Variants in TG observed in about 807,000 individuals in gnomAD.
TG encodes thyroid hormones.
A neutral mutation model predicts 324.7 loss-of-function variants in TG; 270 were observed. The observed-to-expected ratio is 0.83, with a 90% CI of 0.75 to 0.92. The LOEUF (loss-of-function observed/expected upper bound fraction) is 0.92, where lower values mean the gene tolerates loss of function less well. Among genes scored for constraint, TG ranks in the 40% least tolerant of loss-of-function variants. The pLI is 0.00. For missense variants in TG, 3,591 were observed against 3,456.4 expected (o/e 1.04, Z -0.98); for synonymous variants, 1,401 against 1,327.0 (o/e 1.06, Z -1.21).
At chr8:132,911,652 G>A (rs952184355) in intron 19 of TG, 119 bp downstream of exon 19, 2 of 823,620 alleles carry the variant, frequency 2.4e-6, no homozygotes, top group African/African-American at 1.7e-5. Flanking sequence ...GAAGACTATG[G>A]GGAGAGCTAA....
chr8:132,955,622 A>G (rs1319570595), intron 27 of TG, among the ~76,000 whole-genome samples: 1 of 152,242 alleles, frequency 6.6e-6, no homozygotes, highest in Non-Finnish European at 1.5e-5. Context: ...TCCAGCGTTC[A>G]GTAGGCTAAT....
intron 41 of TG, among the ~76,000 whole-genome samples, chr8:133,084,805 A>G (rs1846278919): frequency 6.6e-6 from 1 of 152,196 alleles, no homozygotes; most frequent in South Asian, 2.1e-4. Flanking sequence ...GGCAAGGGGG[A>G]CAGTTCTACA....
chr8:133,048,093 G>C (rs1351559982), intron 41 of TG, among the ~76,000 whole-genome samples: 2 of 152,184 alleles, frequency 1.3e-5, no homozygotes, highest in African/African-American at 4.8e-5. Context: ...GAATACTGAG[G>C]GTTCCAGTGA....
At chr8:133,127,312 G>A (rs911141237) in intron 45 of TG, among the ~76,000 whole-genome samples, 6 of 152,164 alleles carry the variant, frequency 3.9e-5, no homozygotes, top group African/African-American at 1.4e-4. Flanking sequence ...GAGAACTTGT[G>A]CAATGGATCA....
intron 26 of TG, among the ~76,000 whole-genome samples, chr8:132,943,898 C>T (rs745407289): frequency 2.0e-5 from 3 of 152,156 alleles, no homozygotes; most frequent in Admixed American, 1.3e-4. Context: ...TTAAACTGTG[C>T]CTTCTCTTCT....
intron 26 of TG, among the ~76,000 whole-genome samples, chr8:132,947,428 A>C (rs1825479008): frequency 6.6e-6 from 1 of 152,154 alleles, no homozygotes; most frequent in South Asian, 2.1e-4. Flanking sequence ...TCAGAGATTC[A>C]CTGCTGCTGG....
chr8:132,912,887 T>C (rs1819734452), intron 19 of TG, among the ~76,000 whole-genome samples, 160 bp from the exon 20 acceptor site: 1 of 152,208 alleles, frequency 6.6e-6, no homozygotes. Flanking sequence ...GTTCATCCCC[T>C]TCTCTGGGCC....
intron 27 of TG, 88 bp downstream of exon 27, chr8:132,949,031 T>A: frequency 8.1e-7 from 1 of 1,240,182 alleles, no homozygotes; most frequent in Non-Finnish European, 1.2e-6. Flanking sequence ...GCCCTCCTTG[T>A]GGCCTGAGGA....
At chr8:133,072,240 C>G (rs773692312) in intron 41 of TG, among the ~76,000 whole-genome samples, 8 of 152,230 alleles carry the variant, frequency 5.3e-5, no homozygotes, top group Non-Finnish European at 8.8e-5. Context: ...ACTGAGCCCC[C>G]AACCCCTAAA....
chr8:132,917,905 T>TTTTTTTTTTTA (rs1554667907), intron 20 of TG, among the ~76,000 whole-genome samples: 1 of 150,366 alleles, frequency 6.7e-6, no homozygotes, highest in Non-Finnish European at 1.5e-5. Context: ...TTTTTTTTTT[T>TTTTTTTTTTTA]AATTGCAAAA....
At position 132,929,304 on chromosome 8, in the gene TG, C is replaced by T. The variant is rs1822344766; in HGVS notation, c.4816+112C>T. On this transcript the variant is annotated intron_variant, in intron 23 of 47. Coordinates refer to ENST00000220616, the MANE Select transcript of TG (RefSeq NM_003235.5). ...ATTAAAACTATAATTTAAAAACATA[C>T]TTTATCAAAAACACTATAAATGAAT... 4 of 831,524 alleles carry T rather than the reference C, an allele frequency of 4.8e-6. No individual in the cohort carries two copies. The South Asian group carries it at 5.9e-5, about 12-fold the overall frequency. 51.5% of individuals were successfully genotyped at this position (831,524 alleles called of 1,614,324 possible). A position where few individuals can be genotyped will look rare whatever the true frequency, so the allele number is the denominator to read the frequency against.
chr8:132,960,178 G>A (rs1234934749), intron 27 of TG, among the ~76,000 whole-genome samples: 1 of 152,148 alleles, frequency 6.6e-6, no homozygotes. Context: ...AGTTTTGCAT[G>A]TGTATCCTGG....
intron 18 of TG, among the ~76,000 whole-genome samples, chr8:132,908,987 G>T (rs992409766): frequency 6.6e-6 from 1 of 152,190 alleles, no homozygotes; most frequent in Non-Finnish European, 1.5e-5. Flanking sequence ...TGAGGGAACC[G>T]GTATGAGTGA....
chr8:133,079,167 G>T (rs1261445941), intron 41 of TG, among the ~76,000 whole-genome samples: 1 of 152,194 alleles, frequency 6.6e-6, no homozygotes, highest in East Asian at 1.9e-4. Flanking sequence ...AGTCAGGCCA[G>T]GCTCTGCTGT....
chr8:133,057,278 C>G (rs1262554457), intron 41 of TG, among the ~76,000 whole-genome samples: 1 of 152,108 alleles, frequency 6.6e-6, no homozygotes, highest in East Asian at 1.9e-4. Flanking sequence ...GGAAATATGC[C>G]ATTTCCTGAC....
intron 41 of TG, among the ~76,000 whole-genome samples, chr8:133,071,910 C>A (rs16904820): frequency 6.6e-6 from 1 of 152,104 alleles, no homozygotes; most frequent in Admixed American, 6.5e-5. Context: ...ATGATCTAGC[C>A]GGTGTCTGGC....
chr8:133,127,770 T>A (rs941486669), intron 45 of TG, among the ~76,000 whole-genome samples: 6 of 152,176 alleles, frequency 3.9e-5, no homozygotes, highest in South Asian at 4.1e-4. Flanking sequence ...CCTTGGGGAC[T>A]GTTTTCTGCC....
chr8:132,988,980 T>C, intron 35 of TG: 2 of 825,946 alleles, frequency 2.4e-6, no homozygotes, highest in Non-Finnish European at 2.9e-6. Flanking sequence ...TTAATTGGAC[T>C]CACAGCTCCA....
In TG at chr8:132,882,579, G is replaced by A; in HGVS notation, c.856G>A (p.Ala286Thr). Residue 286 changes from alanine to threonine, a missense_variant, in exon 7 of 48, where the codon GCA becomes ACA. Ala to Thr is a moderately conservative substitution (Grantham distance 58). Coordinates refer to ENST00000220616, the MANE Select transcript of TG (RefSeq NM_003235.5). ...CCGGATACTGCAGAGACGGTTCCTC[G>A]CAGTTCAATCAGTCATCTCTGGCAG... Reference protein sequence around the residue: ...LYRILQRRFLAVQSVISGRFR... With the variant: ...LYRILQRRFLTVQSVISGRFR... 2.5e-6 allele frequency: 4 copies of A among 1,614,194 alleles called. No individual in the cohort carries two copies. Among genetic ancestry groups the A allele is most frequent in the Non-Finnish European group, 3.4e-6 (4 of 1,180,036 alleles).
Sources: allele counts gnomAD v4.1 joint callset (sites outside exome capture counted in the v4.1 genomes callset), GRCh38; gene constraint gnomAD v4.1.1; transcripts MANE v1.5; gene names NCBI Gene and HGNC (gene_info 2026-07-23, HGNC 2026-07-21).